Variants in NUCB2 observed in about 807,000 individuals in gnomAD.
NUCB2 encodes nucleobindin 2, also known as nucleobindin-2.
A neutral mutation model predicts 57.9 loss-of-function variants in NUCB2; 48 were observed. The ratio of observed to expected loss-of-function variants is 0.83; its 90% CI spans 0.66 to 1.05. NUCB2 has a LOEUF of 1.05. Among genes scored for constraint, NUCB2 ranks in the 50% least tolerant of loss-of-function variants. NUCB2 has a pLI of 0.00. For missense variants in NUCB2, 442 were observed against 476.2 expected (o/e 0.93, Z 0.67); for synonymous variants, 139 against 152.1 (o/e 0.91, Z 0.64).
chr11:17,328,289 G>T (rs1197055968), intron 11 of NUCB2, among the ~76,000 whole-genome samples: 2 of 152,206 alleles, frequency 1.3e-5, no homozygotes, highest in Non-Finnish European at 2.9e-5. Context: ...GAGGTGTGGT[G>T]ATGCAAGTAC....
chr11:17,342,155 T>G (rs1420849644), intron 2 of NUCB2, among the ~76,000 whole-genome samples: 1 of 152,238 alleles, frequency 6.6e-6, no homozygotes, highest in African/African-American at 2.4e-5. Flanking sequence ...GTGGGATCGG[T>G]GATGATATCC....
chr11:17,331,225 G>T (rs1951364554), intron 13 of NUCB2, 187 bp from the exon 14 acceptor site: 1 of 518,162 alleles, frequency 1.9e-6, no homozygotes, highest in Non-Finnish European at 3.4e-6. Flanking sequence ...ATGGTAAAAT[G>T]ATTTATTTCA....
chr11:17,315,536 A>C lies in NUCB2; in HGVS notation c.1002+61A>C, dbSNP rs964488446. On this transcript the variant is annotated intron_variant, in intron 11 of 13. Transcript: ENST00000529010. ...AACAAATTCTACATCAGTCTATTCT[A>C]CTTTTAACTTTTATTCCCCATTATG... 5.3e-6 allele frequency: 5 copies of C among 941,326 alleles called. No individual in the cohort carries two copies. In the Admixed American group the frequency reaches 1.0e-4, roughly 20 times the overall value. 58.3% of individuals were successfully genotyped at this position (941,326 alleles called of 1,614,324 possible).
intron 5 of NUCB2, among the ~76,000 whole-genome samples, chr11:17,305,006 A>G (rs956639446): frequency 5.9e-5 from 9 of 152,356 alleles, no homozygotes; most frequent in Middle Eastern, 3.4e-3. Context: ...CAGCCAAGTG[A>G]ATTTTTCAAA....
chr11:17,289,756 C>T (rs551923601), intron 2 of NUCB2, among the ~76,000 whole-genome samples: 15 of 152,260 alleles, frequency 9.9e-5, no homozygotes, highest in Admixed American at 2.0e-4. Context: ...TGACCATTCT[C>T]GTATCAATCT....
chr11:17,336,753 C>CAAA (rs71047542), downstream of NUCB2, among the ~76,000 whole-genome samples: 578 of 47,470 alleles, frequency 0.012, 41 homozygotes, highest in African/African-American at 0.028. Context: ...GACTCCGTCT[C>CAAA]AAAAAAAAAA....
At position 17,304,468 on chromosome 11, in the gene NUCB2, A is replaced by G. The variant is rs535013419; in HGVS notation, c.379+2598A>G. On this transcript the variant is annotated intron_variant, in intron 5 of 13. Coordinates refer to ENST00000529010, the MANE Select transcript of NUCB2 (RefSeq NM_005013.4). ...CTTGGCCTCCCAAAATGCTGGGATT[A>G]CAGGCATTAGCCACCGTGCCTGATC... Among the ~76,000 whole-genome samples, 5 of 152,326 alleles carry G rather than the reference A, an allele frequency of 3.3e-5. No homozygotes were observed. In the South Asian group the frequency reaches 1.0e-3, roughly 32 times the overall value.
At chr11:17,310,729 A>T in intron 6 of NUCB2, 96 bp from the exon 7 acceptor site, 1 of 903,214 alleles carries the variant, frequency 1.1e-6, no homozygotes, top group Non-Finnish European at 1.7e-6. Flanking sequence ...CTCCCGTACC[A>T]CTTCTGTTCA....
intron 2 of NUCB2, among the ~76,000 whole-genome samples, chr11:17,288,552 C>CTTCTTTTTTTT (rs1375589442): frequency 1.7e-4 from 17 of 101,174 alleles, no homozygotes; most frequent in African/African-American, 7.0e-4. Flanking sequence ...TCTTCTTCTT[C>CTTCTTTTTTTT]TTTTTTTTTT....
intron 2 of NUCB2, among the ~76,000 whole-genome samples, chr11:17,292,786 G>A (rs1056597520): frequency 6.6e-6 from 1 of 152,174 alleles, no homozygotes; most frequent in Non-Finnish European, 1.5e-5. Context: ...GAGTTGATGC[G>A]TTAATATATT....
At chr11:17,311,062 A>G (rs1948418045) in intron 7 of NUCB2, 52 bp downstream of exon 7, 1 of 1,473,950 alleles carries the variant, frequency 6.8e-7, no homozygotes, top group Non-Finnish European at 9.1e-7. Flanking sequence ...ACTTCTTCGT[A>G]TCAGCGGATT....
At chr11:17,279,621 C>T (rs1942111599) in intron 1 of NUCB2, among the ~76,000 whole-genome samples, 1 of 151,974 alleles carries the variant, frequency 6.6e-6, no homozygotes, top group African/African-American at 2.4e-5. Flanking sequence ...CTTGTTTTAC[C>T]TCAGGTAATT....
intron 1 of NUCB2, chr11:17,277,216 C>G (rs1032530351): frequency 1.3e-5 from 2 of 152,254 alleles, no homozygotes; most frequent in Admixed American, 1.3e-4. Context: ...CCCTGTGCCG[C>G]TCAGCAAAGC....
At chr11:17,296,539 A>C (rs1342787433) in intron 4 of NUCB2, among the ~76,000 whole-genome samples, 2 of 152,202 alleles carry the variant, frequency 1.3e-5, no homozygotes, top group African/African-American at 4.8e-5. Flanking sequence ...TTAATCTAGA[A>C]ATACAGAAGG....
intron 11 of NUCB2, among the ~76,000 whole-genome samples, chr11:17,317,898 G>A (rs1047503295): frequency 4.8e-4 from 72 of 149,378 alleles, no homozygotes; most frequent in African/African-American, 1.5e-3. Flanking sequence ...GGCTGGTCCC[G>A]AACTCCTGGG....
intron 1 of NUCB2, among the ~76,000 whole-genome samples, chr11:17,279,993 A>G (rs190161870): frequency 1.3e-5 from 2 of 152,060 alleles, no homozygotes; most frequent in Admixed American, 1.3e-4. Context: ...AGGCCTCGCC[A>G]TGTTGTCCAG....
chr11:17,319,897 A>G (rs1949786124), intron 11 of NUCB2, among the ~76,000 whole-genome samples: 1 of 151,964 alleles, frequency 6.6e-6, no homozygotes, highest in Admixed American at 6.6e-5. Context: ...CCTGCCCTCT[A>G]TCCTCCTATA....
intron 10 of NUCB2, among the ~76,000 whole-genome samples, 181 bp downstream of exon 10, chr11:17,312,301 A>C (rs1286245336): frequency 6.6e-6 from 1 of 150,820 alleles, no homozygotes; most frequent in African/African-American, 2.4e-5. Flanking sequence ...TGGTGCAATC[A>C]TGGCTCCCTG....
chr11:17,278,146 C>G (rs1941727005), intron 1 of NUCB2, among the ~76,000 whole-genome samples: 1 of 141,280 alleles, frequency 7.1e-6, no homozygotes, highest in African/African-American at 2.6e-5. Flanking sequence ...TACTCATGCT[C>G]TTCTCTATCC....
Sources: gnomAD v4.1 joint callset for allele counts (sites outside exome capture counted in the v4.1 genomes callset) on GRCh38, gnomAD v4.1.1 for gene constraint, MANE v1.5 for transcripts, NCBI Gene and HGNC (gene_info 2026-07-23, HGNC 2026-07-21) for gene names.